Variants in IDNK observed in about 807,000 individuals in gnomAD.
IDNK encodes gluconokinase.
A neutral mutation model predicts 13.0 loss-of-function variants in IDNK; 9 were observed. The observed-to-expected ratio is 0.69, with a 90% CI of 0.42 to 1.21. IDNK has a LOEUF of 1.21. Among genes scored for constraint, IDNK ranks in the 50% most tolerant of loss-of-function variants. The pLI is 0.00. For missense variants in IDNK, 210 were observed against 237.8 expected, an observed-to-expected ratio of 0.88 and a Z score of 0.77; for synonymous variants, 92 against 94.9, an observed-to-expected ratio of 0.97 and a Z score of 0.18.
intron 3 of IDNK, among the ~76,000 whole-genome samples, chr9:83,640,688 A>G (rs2131635821): frequency 6.6e-6 from 1 of 152,342 alleles, no homozygotes; most frequent in African/African-American, 2.4e-5. Context: ...CTAAAAATAC[A>G]AAATTAATTA....
rs530209981 is a variant in IDNK at position 83,643,591 on chromosome 9, C to T, written c.375C>T (p.Ser125=). Residue 125 remains serine, a synonymous_variant, in exon 5 of 5, where the codon AGC becomes AGT. Coordinates refer to ENST00000376419, the MANE Select transcript of IDNK (RefSeq NM_001001551.4). ...TGCAGCTCCTGGTGGTCCATCTGAG[C>T]GGGTCGTTTGAGGTCATCTCTGGAC... The part of the protein sequence containing the change: ...AEMQLLVVHL[S]GSFEVISGRL... The T allele has an allele frequency of 3.4e-5, 55 of 1,613,760 alleles. No individual in the cohort carries two copies. The highest frequency in any genetic ancestry group is 1.1e-4 in the East Asian group (5 of 44,858).
At chr9:83,633,150 T>C (rs1249812475) in intron 3 of IDNK, among the ~76,000 whole-genome samples, 5 of 152,060 alleles carry the variant, frequency 3.3e-5, no homozygotes, top group Middle Eastern at 3.2e-3. Context: ...CCATCCTGGC[T>C]AACACGGTGA....
At chr9:83,625,917 AATGG>A (rs981108625) in intron 1 of IDNK, among the ~76,000 whole-genome samples, 7 of 152,320 alleles carry the variant, frequency 4.6e-5, no homozygotes, top group African/African-American at 1.7e-4. Flanking sequence ...TGACTTAATG[AATGG>A]ATGGATGGAT....
intron 3 of IDNK, among the ~76,000 whole-genome samples, chr9:83,639,902 T>C (rs1362916971): frequency 6.6e-6 from 1 of 152,198 alleles, no homozygotes; most frequent in Non-Finnish European, 1.5e-5. Flanking sequence ...AACCTACAGA[T>C]ACGAACTGTG....
chr9:83,631,439 T>G (rs1307453879), intron 3 of IDNK, among the ~76,000 whole-genome samples: 2 of 47,040 alleles, frequency 4.3e-5, no homozygotes, highest in Admixed American at 3.0e-4. Flanking sequence ...AGTCCCTGCC[T>G]CTACAAAAAC....
intron 4 of IDNK, among the ~76,000 whole-genome samples, chr9:83,643,222 A>G (rs1361556786): frequency 1.3e-5 from 2 of 152,198 alleles, no homozygotes; most frequent in South Asian, 2.1e-4. Context: ...ACGCTCAGAG[A>G]GGTAAATGCC....
intron 1 of IDNK, among the ~76,000 whole-genome samples, chr9:83,627,352 G>C (rs1372766727): frequency 1.3e-5 from 2 of 152,216 alleles, no homozygotes; most frequent in Non-Finnish European, 2.9e-5. Flanking sequence ...CTGAGGCCAT[G>C]TGTCAGTGAG....
chr9:83,637,575 A>G (rs1564149578), intron 3 of IDNK, among the ~76,000 whole-genome samples: 1 of 152,246 alleles, frequency 6.6e-6, no homozygotes, highest in Non-Finnish European at 1.5e-5. Flanking sequence ...ATCAAAGGAA[A>G]ATAAAAATGG....
chr9:83,634,524 T>C (rs977928266), intron 3 of IDNK, among the ~76,000 whole-genome samples: 9 of 152,244 alleles, frequency 5.9e-5, no homozygotes, highest in Non-Finnish European at 1.2e-4. Context: ...ATTACCCAAA[T>C]ATGTTTTCTG....
At chr9:83,625,785 C>A in intron 1 of IDNK, among the ~76,000 whole-genome samples, 1 of 152,122 alleles carries the variant, frequency 6.6e-6, no homozygotes, top group East Asian at 1.9e-4. Context: ...AACACAGTGA[C>A]CTCAAGGACT....
intron 3 of IDNK, among the ~76,000 whole-genome samples, chr9:83,641,128 T>G (rs895882847): frequency 6.6e-6 from 1 of 152,070 alleles, no homozygotes; most frequent in Non-Finnish European, 1.5e-5. Context: ...TGAGGGGAAT[T>G]TTGTTCTTTG....
At chr9:83,630,098 A>G (rs2131622517) in intron 3 of IDNK, among the ~76,000 whole-genome samples, 1 of 152,180 alleles carries the variant, frequency 6.6e-6, no homozygotes, top group Non-Finnish European at 1.5e-5. Flanking sequence ...GGCTGGGCTC[A>G]CCCCCAGGTG....
rs1212152016 is a variant in IDNK at position 83,643,459 on chromosome 9, A to G, written c.243A>G (p.Leu81=). 12 of 1,613,216 alleles carry G rather than the reference A, an allele frequency of 7.4e-6. No homozygotes were observed. The highest frequency in any genetic ancestry group is 1.3e-5 in the African/African-American group (1 of 74,694). The change falls in exon 5 of 5, where the codon CTA becomes CTG. Residue 81 remains leucine, a synonymous_variant. Coordinates refer to ENST00000376419, the MANE Select transcript of IDNK (RefSeq NM_001001551.4). ...RDVASGQRVV[L]ACSALKKTYR... ...TAGCCTCGGGACAGCGTGTGGTTCT[A>G]GCCTGTTCAGCCCTGAAGAAAACGT... is the stretch of plus-strand genomic sequence containing the variant.
intron 1 of IDNK, chr9:83,626,520 G>A (rs753504427): frequency 5.2e-5 from 22 of 421,344 alleles, no homozygotes; most frequent in Non-Finnish European, 9.0e-5. Context: ...GAGTTCAAGC[G>A]ATTGTCATGC....
At chr9:83,628,485 C>T (rs1194508847) in intron 2 of IDNK, among the ~76,000 whole-genome samples, 1 of 152,090 alleles carries the variant, frequency 6.6e-6, no homozygotes, top group Non-Finnish European at 1.5e-5. Flanking sequence ...CCCATCTCTA[C>T]TAAAAATACA....
chr9:83,629,108 A>G, intron 3 of IDNK, 149 bp downstream of exon 3: 2 of 681,402 alleles, frequency 2.9e-6, no homozygotes, highest in South Asian at 1.7e-5. Context: ...TCCTCTACAT[A>G]TGTTAGCTCC....
intron 3 of IDNK, among the ~76,000 whole-genome samples, chr9:83,636,063 T>C (rs967386845): frequency 2.6e-5 from 4 of 152,178 alleles, no homozygotes; most frequent in Non-Finnish European, 5.9e-5. Flanking sequence ...AGCTGACATA[T>C]AGCAGTATTA....
chr9:83,640,636 G>A (rs1198311801), intron 3 of IDNK, among the ~76,000 whole-genome samples: 1 of 152,224 alleles, frequency 6.6e-6, no homozygotes, highest in Admixed American at 6.5e-5. Context: ...GAGGTCAGGA[G>A]TTCGAGACCA....
Position 83,628,894 on chromosome 9 carries a change from G to T in IDNK, c.103G>T (p.Ala35Ser). The T allele has an allele frequency of 6.2e-7, 1 of 1,614,018 alleles. No homozygotes were observed. The highest frequency in any genetic ancestry group is 8.5e-7 in the Non-Finnish European group (1 of 1,179,892). ...AAAGCTGGGATGGAAATTCTATGAT[G>T]CTGATGATTATCACCCGGAGGAAAA... ...ASELGWKFYDADDYHPEENRR... is the reference protein window; with the variant it reads ...ASELGWKFYDSDDYHPEENRR... The change falls in exon 3 of 5, where the codon GCT (alanine) becomes TCT (serine). Residue 35 changes from alanine to serine, a missense_variant. Transcript: ENST00000376419.
Sources: gnomAD v4.1 joint callset for allele counts (sites outside exome capture counted in the v4.1 genomes callset) on GRCh38, gnomAD v4.1.1 for gene constraint, MANE v1.5 for transcripts, NCBI Gene and HGNC (gene_info 2026-07-23, HGNC 2026-07-21) for gene names.